The following XPO1 variants were observed in gnomAD, a reference collection of about 807,000 sequenced individuals.
The protein encoded by XPO1 is exportin 1.
A neutral mutation model predicts 133.3 loss-of-function variants in XPO1; 5 were observed. The observed-to-expected ratio is 0.04, with a 90% CI of 0.02 to 0.08. XPO1 has a LOEUF of 0.08. XPO1 is among the 10% of genes least tolerant of loss of function. XPO1 has a pLI of 1.00. For synonymous variants in XPO1, 419 were observed against 408.2 expected (o/e 1.03, Z -0.32); for missense variants, 506 against 1,267.5 (o/e 0.40, Z 9.12).
chr2:61,527,427 G>C (rs974047125), intron 2 of XPO1, among the ~76,000 whole-genome samples: 4 of 151,712 alleles, frequency 2.6e-5, no homozygotes, highest in Non-Finnish European at 5.9e-5. Context: ...AATCAAGGTT[G>C]CACCGAGCTA....
At chr2:61,505,641 C>T (rs1264031104) in intron 4 of XPO1, among the ~76,000 whole-genome samples, 1 of 152,158 alleles carries the variant, frequency 6.6e-6, no homozygotes, top group African/African-American at 2.4e-5. Flanking sequence ...TCACTGCAAC[C>T]TCTGCCTTCC....
In XPO1 at chr2:61,519,108, G is replaced by A. The variant is rs547519926; in HGVS notation, c.301+3503C>T. The stretch of plus-strand genomic sequence containing the variant: ...TGGGATTACAGGCATGTGCCACCAC[G>A]CCCGGCTAATTTTTGTATTTTTAGT... On this transcript the variant is annotated intron_variant, in intron 4 of 24. Coordinates refer to ENST00000401558, the MANE Select transcript of XPO1 (RefSeq NM_003400.4). Among the ~76,000 whole-genome samples, 14 of 152,094 alleles carry A rather than the reference G, an allele frequency of 9.2e-5. No homozygotes were observed. In the East Asian group the frequency reaches 1.9e-3, roughly 21 times the overall value.
At chr2:61,494,228 TAGAC>T in intron 11 of XPO1, 137 bp from the exon 12 acceptor site, 1 of 779,274 alleles carries the variant, frequency 1.3e-6, no homozygotes, top group Non-Finnish European at 2.0e-6. Context: ...ACTTATCAAA[TAGAC>T]AGCAAACTCT....
chr2:61,527,853 T>C (rs1698973176), intron 2 of XPO1, among the ~76,000 whole-genome samples: 2 of 152,058 alleles, frequency 1.3e-5, no homozygotes, highest in South Asian at 2.1e-4. Context: ...TCTTTTAGCA[T>C]AAAATAACTA....
intron 1 of XPO1, chr2:61,536,487 C>T (rs1275460655): frequency 6.6e-6 from 1 of 152,302 alleles, no homozygotes; most frequent in Non-Finnish European, 1.5e-5. Flanking sequence ...CACCCAATGC[C>T]AATTCCTAAA....
intron 3 of XPO1, among the ~76,000 whole-genome samples, chr2:61,524,339 A>G (rs190347396): frequency 9.8e-5 from 15 of 152,330 alleles, no homozygotes; most frequent in African/African-American, 3.6e-4. Flanking sequence ...ATGGAAAGAC[A>G]CTGTCCTTTC....
At chr2:61,507,913 C>A (rs1180969033) in intron 4 of XPO1, among the ~76,000 whole-genome samples, 1 of 152,106 alleles carries the variant, frequency 6.6e-6, no homozygotes, top group South Asian at 2.1e-4. Flanking sequence ...TTAATTAATT[C>A]CAAAGAAAGG....
At chr2:61,495,714 C>A in intron 10 of XPO1, 101 bp from the exon 11 acceptor site, 1 of 1,234,426 alleles carries the variant, frequency 8.1e-7, no homozygotes, top group South Asian at 2.0e-5. Flanking sequence ...TCACTCTGTC[C>A]AGGCTGGAGT....
chr2:61,509,536 G>GA (rs1697987660), intron 4 of XPO1, among the ~76,000 whole-genome samples: 1 of 152,030 alleles, frequency 6.6e-6, no homozygotes, highest in African/African-American at 2.4e-5. Flanking sequence ...TGAGGCAGGA[G>GA]AATCACTTCA....
chr2:61,498,561 C>T (rs1008207862), intron 9 of XPO1, 112 bp downstream of exon 9: 14 of 1,382,386 alleles, frequency 1.0e-5, no homozygotes, highest in South Asian at 6.1e-5. Flanking sequence ...GCAGCGTCCT[C>T]GTGTTAGAAA....
At chr2:61,521,866 T>C (rs929171260) in intron 4 of XPO1, among the ~76,000 whole-genome samples, 1 of 151,234 alleles carries the variant, frequency 6.6e-6, no homozygotes, top group Non-Finnish European at 1.5e-5. Flanking sequence ...GGGATCCTCC[T>C]ACCTCACCCC....
chr2:61,491,098 G>A (rs950137472), intron 16 of XPO1, among the ~76,000 whole-genome samples: 9 of 152,008 alleles, frequency 5.9e-5, no homozygotes, highest in Non-Finnish European at 8.8e-5. Context: ...GCAGTGAGCC[G>A]AGATTGCAAT....
chr2:61,508,434 C>T (rs766447), intron 4 of XPO1, among the ~76,000 whole-genome samples: 93,027 of 151,980 alleles, frequency 0.61, 28,529 homozygotes, highest in Middle Eastern at 0.69. Flanking sequence ...AAAAATGTGT[C>T]TAACAGTCCC....
intron 4 of XPO1, among the ~76,000 whole-genome samples, chr2:61,517,583 C>A (rs551101091): frequency 6.6e-6 from 1 of 152,144 alleles, no homozygotes; most frequent in South Asian, 2.1e-4. Flanking sequence ...GAGATCTTGT[C>A]TCAAAACAAA....
At chr2:61,480,296 T>TTTTTG (rs1180364461) in intron 24 of XPO1, 2 of 150,544 alleles carry the variant, frequency 1.3e-5, no homozygotes. Flanking sequence ...TTTTTTTTTT[T>TTTTTG]GAGATGAAGT....
At chr2:61,533,222 T>G (rs1486669403) in intron 2 of XPO1, among the ~76,000 whole-genome samples, 1 of 152,218 alleles carries the variant, frequency 6.6e-6, no homozygotes, top group Non-Finnish European at 1.5e-5. Flanking sequence ...TTTTTTTTCT[T>G]GTGACATATA....
intron 12 of XPO1, 61 bp downstream of exon 12, chr2:61,493,833 G>C: frequency 6.5e-7 from 1 of 1,541,318 alleles, no homozygotes; most frequent in South Asian, 1.1e-5. Context: ...GAAGTATTTG[G>C]ATTCAGACCT....
chr2:61,512,625 G>T (rs372742304), intron 4 of XPO1, among the ~76,000 whole-genome samples: 1 of 152,184 alleles, frequency 6.6e-6, no homozygotes, highest in African/African-American at 2.4e-5. Context: ...CTCTCCAAAT[G>T]CATCCACAGA....
intron 1 of XPO1, chr2:61,536,381 T>A (rs765423693): frequency 2.6e-5 from 4 of 152,252 alleles, no homozygotes; most frequent in Non-Finnish European, 5.9e-5. Context: ...CCACGAACGC[T>A]CATTCCCATT....
Sources: allele counts gnomAD v4.1 joint callset (sites outside exome capture counted in the v4.1 genomes callset), GRCh38; gene constraint gnomAD v4.1.1; transcripts MANE v1.5; gene names NCBI Gene and HGNC (gene_info 2026-07-23, HGNC 2026-07-21).